Variants in SH3BGR observed in about 807,000 individuals in gnomAD.
SH3BGR encodes the protein SH3 domain-binding glutamic acid-rich protein.
In SH3BGR, 29 loss-of-function variants were observed where a neutral mutation model predicts 24.5. The ratio of observed to expected loss-of-function variants is 1.18; its 90% CI spans 0.88 to 1.61. The LOEUF (loss-of-function observed/expected upper bound fraction) is 1.61, where lower values mean the gene tolerates loss of function less well. SH3BGR is among the 40% of genes most tolerant of loss of function. The pLI is 0.00. For synonymous variants in SH3BGR, 55 were observed against 65.7 expected (o/e 0.84, Z 0.79); for missense variants, 162 against 205.8 (o/e 0.79, Z 1.30).
Position 39,464,327 on chromosome 21 carries a change from A to C in SH3BGR, c.231+1767A>C, listed in dbSNP as rs998144826. ...AACCTCTACCTCCTGGGTTCAAGTG[A>C]TTCTCCTGCCTCAGCCTCTTGAGTA... On this transcript the variant is annotated intron_variant, in intron 2 of 6. Coordinates refer to ENST00000333634, the MANE Select transcript of SH3BGR (RefSeq NM_007341.3). 6.6e-5 allele frequency among the ~76,000 whole-genome samples: 10 copies of C among 151,980 alleles called. 1 individual carries two copies. Among genetic ancestry groups the C allele is most frequent in the Non-Finnish European group, 1.3e-4 (9 of 67,994 alleles).
intron 2 of SH3BGR, among the ~76,000 whole-genome samples, chr21:39,471,834 T>C (rs1340125475): frequency 6.6e-6 from 1 of 152,218 alleles, no homozygotes; most frequent in Admixed American, 6.5e-5. Flanking sequence ...ATCCACATAT[T>C]GGGTTTTACA....
At chr21:39,500,203 A>G (rs2078470978) in intron 4 of SH3BGR, among the ~76,000 whole-genome samples, 1 of 152,048 alleles carries the variant, frequency 6.6e-6, no homozygotes, top group Non-Finnish European at 1.5e-5. Context: ...GGTTAGGTGT[A>G]TGCTCTTTAT....
intron 3 of SH3BGR, among the ~76,000 whole-genome samples, chr21:39,492,877 T>A (rs1470112103): frequency 6.6e-6 from 1 of 152,228 alleles, no homozygotes; most frequent in Non-Finnish European, 1.5e-5. Context: ...TCATTAGTGA[T>A]GTTGAGCATT....
At chr21:39,501,788 G>A (rs2078498081) in intron 4 of SH3BGR, among the ~76,000 whole-genome samples, 1 of 152,218 alleles carries the variant, frequency 6.6e-6, no homozygotes, top group Non-Finnish European at 1.5e-5. Context: ...AATTTAAGAA[G>A]GAGACAAACA....
chr21:39,468,405 CCT>C lies in SH3BGR; in HGVS notation c.231+5851_231+5852del, dbSNP rs571732252. Among the ~76,000 whole-genome samples, 40 of 152,278 alleles carry C rather than the reference CCT, an allele frequency of 2.6e-4. No homozygotes were observed. In the East Asian group the frequency reaches 6.9e-3, roughly 26 times the overall value. On this transcript the variant is annotated intron_variant, in intron 2 of 6. Coordinates refer to ENST00000333634, the MANE Select transcript of SH3BGR (RefSeq NM_007341.3). ...CAGAAATGTGGAAGCCCTCTGTGTG[CCT>C]CTCTCCCTGATCCCATCCCTTCCCC... is the stretch of plus-strand genomic sequence containing the variant.
intron 3 of SH3BGR, among the ~76,000 whole-genome samples, chr21:39,499,436 T>G (rs985482580): frequency 6.6e-6 from 1 of 152,182 alleles, no homozygotes; most frequent in African/African-American, 2.4e-5. Context: ...TATGTTTACC[T>G]GTCTACTTTA....
At chr21:39,507,293 G>C (rs1212581434) in intron 4 of SH3BGR, among the ~76,000 whole-genome samples, 1 of 152,108 alleles carries the variant, frequency 6.6e-6, no homozygotes, top group African/African-American at 2.4e-5. Flanking sequence ...AGGAGATGTG[G>C]GAGTGTGTTG....
chr21:39,457,892 T>C (rs1333950041), intron 1 of SH3BGR, among the ~76,000 whole-genome samples: 1 of 151,604 alleles, frequency 6.6e-6, no homozygotes, highest in Non-Finnish European at 1.5e-5. Flanking sequence ...GCCACTGCGC[T>C]CCAGCCTGGG....
upstream of SH3BGR, among the ~76,000 whole-genome samples, chr21:39,449,959 G>C (rs974510408): frequency 6.6e-6 from 1 of 152,282 alleles, no homozygotes; most frequent in Non-Finnish European, 1.5e-5. Flanking sequence ...GCAGATGGAG[G>C]AGGTGTCATT....
chr21:39,470,902 C>T (rs1054586982), intron 2 of SH3BGR, among the ~76,000 whole-genome samples: 2 of 151,988 alleles, frequency 1.3e-5, no homozygotes, highest in East Asian at 3.9e-4. Flanking sequence ...GTCTTTCTTT[C>T]ACCTTCATGC....
At chr21:39,501,256 G>A (rs999006796) in intron 4 of SH3BGR, among the ~76,000 whole-genome samples, 5 of 152,156 alleles carry the variant, frequency 3.3e-5, no homozygotes, top group African/African-American at 1.2e-4. Context: ...CCTTTCTCCC[G>A]TGAGACCAGC....
intron 3 of SH3BGR, among the ~76,000 whole-genome samples, chr21:39,484,563 G>GT (rs1257241540): frequency 6.6e-6 from 1 of 151,882 alleles, no homozygotes; most frequent in Non-Finnish European, 1.5e-5. Context: ...CCTGATTTGT[G>GT]CTCAGGTACT....
intron 3 of SH3BGR, among the ~76,000 whole-genome samples, chr21:39,494,736 A>G (rs1269111573): frequency 1.3e-5 from 2 of 151,888 alleles, no homozygotes; most frequent in African/African-American, 2.4e-5. Flanking sequence ...TCTTGAATCT[A>G]TATCATTTAC....
At chr21:39,491,580 C>T (rs1165164910) in intron 3 of SH3BGR, 4 of 270,534 alleles carry the variant, frequency 1.5e-5, no homozygotes, top group South Asian at 5.0e-5. Flanking sequence ...GGGCAGCACC[C>T]GCAGGTCTAA....
chr21:39,471,824 A>G (rs1255878386), intron 2 of SH3BGR, among the ~76,000 whole-genome samples: 2 of 152,100 alleles, frequency 1.3e-5, no homozygotes, highest in African/African-American at 4.8e-5. Context: ...TGTTTGTTTA[A>G]TCCACATATT....
upstream of SH3BGR, chr21:39,451,769 A>G: frequency 4.6e-6 from 5 of 1,087,156 alleles, no homozygotes; most frequent in Non-Finnish European, 2.7e-6. Context: ...GGTGCACAGC[A>G]CAGCCTGGCC....
chr21:39,515,058 T>C (rs1388022979), intron 6 of SH3BGR, 30 bp from the exon 7 acceptor site: 1 of 466,722 alleles, frequency 2.1e-6, no homozygotes, highest in Non-Finnish European at 4.4e-6. Flanking sequence ...TTCTCTACAG[T>C]CTTTCCCTAA....
At chr21:39,460,504 CAG>C (rs561724162) in intron 1 of SH3BGR, among the ~76,000 whole-genome samples, 1 of 152,000 alleles carries the variant, frequency 6.6e-6, no homozygotes, top group African/African-American at 2.4e-5. Flanking sequence ...TTTTTTGAGA[CAG>C]AGTCTCACTC....
chr21:39,489,477 G>C (rs1211810459), intron 3 of SH3BGR, among the ~76,000 whole-genome samples: 1 of 152,206 alleles, frequency 6.6e-6, no homozygotes, highest in Non-Finnish European at 1.5e-5. Flanking sequence ...AGCTTGAAAG[G>C]CAGAGCCCAC....
Sources: gnomAD v4.1 joint callset for allele counts (sites outside exome capture counted in the v4.1 genomes callset) on GRCh38, gnomAD v4.1.1 for gene constraint, MANE v1.5 for transcripts, NCBI Gene and HGNC (gene_info 2026-07-23, HGNC 2026-07-21) for gene names.